Variants in LHX2 observed in about 807,000 individuals in gnomAD.
The protein encoded by LHX2 is LIM/homeobox protein Lhx2.
LHX2 carries 6 observed loss-of-function variants against 33.0 expected under a neutral mutation model. The observed-to-expected ratio is 0.18, with a 90% CI of 0.10 to 0.36. The LOEUF (loss-of-function observed/expected upper bound fraction) is 0.36. Ranked by LOEUF, LHX2 falls within the 10% of genes least tolerant of loss-of-function variation. The pLI, the probability that LHX2 is intolerant of heterozygous loss-of-function variation, is 1.00. For missense variants in LHX2, 442 were observed against 586.2 expected (o/e 0.75, Z 2.54); for synonymous variants, 292 against 253.1 (o/e 1.15, Z -1.46).
intron 4 of LHX2, among the ~76,000 whole-genome samples, chr9:124,031,257 G>T (rs1190425954): frequency 6.6e-6 from 1 of 152,138 alleles, no homozygotes; most frequent in African/African-American, 2.4e-5. Context: ...CAGGGTACCT[G>T]GTGGCTCCCC....
intron 3 of LHX2, among the ~76,000 whole-genome samples, chr9:124,018,097 T>C (rs1451788966): frequency 6.6e-6 from 1 of 152,016 alleles, no homozygotes; most frequent in East Asian, 1.9e-4. Context: ...AATCCATTAT[T>C]TAGACAATTG....
rs988604694 is a variant in LHX2, at chr9:124,014,551, A to G, written c.323+388A>G. Among the ~76,000 whole-genome samples the G allele has an allele frequency of 6.6e-6, 1 of 152,202 alleles. No individual in the cohort carries two copies. The highest frequency in any genetic ancestry group is 2.4e-5 in the African/African-American group (1 of 41,450). The stretch of plus-strand genomic sequence containing the variant: ...CCAAGCTGGAGTGAAACACAGCTGG[A>G]AAGAGAGCTGTGGGAGTGGGTGCAT... On this transcript the variant is annotated intron_variant, in intron 2 of 4. Coordinates refer to ENST00000373615, the MANE Select transcript of LHX2 (RefSeq NM_004789.4). This position sits in a 1 kb window ranked among gnomAD's most constrained non-coding sequence, Gnocchi z 4.8.
Position 124,032,960 on chromosome 9 carries a change from A to G in LHX2, c.*253A>G, listed in dbSNP as rs1189757767. 1 of 364,212 alleles carries G rather than the reference A, an allele frequency of 2.7e-6. No homozygotes were observed. Among genetic ancestry groups the G allele is most frequent in the African/African-American group, 2.1e-5 (1 of 47,952 alleles). The allele number at this position is 364,212 out of a possible 1,614,324, so 22.6% of individuals were successfully genotyped here. ...AGTTTTGTGGACTGAGCGAGGAAAAACAACAAATAATTTAAGTTGGCTAGA... is the reference window on the plus strand; with the variant it reads ...AGTTTTGTGGACTGAGCGAGGAAAAGCAACAAATAATTTAAGTTGGCTAGA... On this transcript the variant is annotated 3_prime_UTR_variant, in exon 5 of 5. Transcript: ENST00000373615. This position sits in a 1 kb window ranked among gnomAD's most constrained non-coding sequence, Gnocchi z 4.1.
chr9:124,020,145 C>T (rs1382504419), intron 3 of LHX2, among the ~76,000 whole-genome samples: 4 of 152,212 alleles, frequency 2.6e-5, no homozygotes, highest in African/African-American at 9.6e-5. Flanking sequence ...GGCTTCATTT[C>T]CCTTAGCGTT....
rs1041783405 is a variant in LHX2 at position 124,016,512 on chromosome 9, C to T, written c.727+987C>T. On this transcript the variant is annotated intron_variant, in intron 3 of 4. Transcript: ENST00000373615. The surrounding 1 kb of genome is among the most constrained non-coding windows in gnomAD (Gnocchi z 4.4). ...ATTTGGAGATTTTGTGTTCTTCTTCCTTTTCCCTTTAGTCTAATGCACAAG... is the reference window on the plus strand; with the variant it reads ...ATTTGGAGATTTTGTGTTCTTCTTCTTTTTCCCTTTAGTCTAATGCACAAG... 7.2e-5 allele frequency among the ~76,000 whole-genome samples: 11 copies of T among 152,164 alleles called. No individual in the cohort carries two copies. The highest frequency in any genetic ancestry group is 2.7e-4 in the African/African-American group (11 of 41,428).
intron 4 of LHX2, among the ~76,000 whole-genome samples, chr9:124,022,280 C>G: frequency 6.6e-6 from 1 of 152,194 alleles, no homozygotes; most frequent in East Asian, 1.9e-4. Flanking sequence ...ACTGAAATGA[C>G]GTGCCTGTGG....
At chr9:124,019,973 A>G (rs2118761689) in intron 3 of LHX2, among the ~76,000 whole-genome samples, 1 of 152,312 alleles carries the variant, frequency 6.6e-6, no homozygotes, top group Middle Eastern at 3.4e-3. Flanking sequence ...CCAGCCAGGC[A>G]TTGGCAGCGT....
chr9:124,024,614 A>G (rs1450768959), intron 4 of LHX2, among the ~76,000 whole-genome samples: 1 of 152,228 alleles, frequency 6.6e-6, no homozygotes, highest in Non-Finnish European at 1.5e-5. Context: ...GATGACATAC[A>G]GTATAATTTA....
chr9:124,012,435 C>A lies in LHX2; in HGVS notation c.87C>A (p.Ile29=). 1.3e-6 allele frequency: 2 copies of A among 1,542,304 alleles called. No individual in the cohort carries two copies. Among genetic ancestry groups the A allele is most frequent in the Non-Finnish European group, 8.7e-7 (1 of 1,150,644 alleles). The change falls in exon 1 of 5, where the codon ATC becomes ATA. Residue 29 remains isoleucine (I), a synonymous_variant. Coordinates refer to ENST00000373615, the MANE Select transcript of LHX2 (RefSeq NM_004789.4). This position sits in a 1 kb window ranked among gnomAD's most constrained non-coding sequence, Gnocchi z 4.3. ...GGGCCAAGAGCGAGGCTCCCGCCATCAGCTCCGCCATCGACCGCGGCGACA... is the reference window on the plus strand; with the variant it reads ...GGGCCAAGAGCGAGGCTCCCGCCATAAGCTCCGCCATCGACCGCGGCGACA... ...DRRAKSEAPA[I]SSAIDRGDTE... is the part of the protein sequence containing the mutation.
chr9:124,030,000 T>C (rs1828686238), intron 4 of LHX2, among the ~76,000 whole-genome samples: 1 of 151,806 alleles, frequency 6.6e-6, no homozygotes. Context: ...ATGTCAAGGG[T>C]GGTCTGAGAA....
intron 4 of LHX2, 94 bp downstream of exon 4, chr9:124,021,398 C>T (rs2118764559): frequency 9.6e-7 from 1 of 1,037,604 alleles, no homozygotes; most frequent in Non-Finnish European, 1.4e-6. Flanking sequence ...GGACCTTCCA[C>T]CCTGTGTCTG....
At chr9:124,019,635 T>A (rs546921065) in intron 3 of LHX2, among the ~76,000 whole-genome samples, 13 of 152,324 alleles carry the variant, frequency 8.5e-5, no homozygotes, top group Admixed American at 5.9e-4. Flanking sequence ...CATGCAATAT[T>A]TAGGACATGC....
chr9:124,022,896 C>T (rs928677957), intron 4 of LHX2, among the ~76,000 whole-genome samples: 1 of 152,110 alleles, frequency 6.6e-6, no homozygotes, highest in African/African-American at 2.4e-5. Flanking sequence ...GTGACGTAGC[C>T]GAGGGAGGGA....
intron 1 of LHX2, among the ~76,000 whole-genome samples, chr9:124,013,160 T>G (rs2118742304): frequency 6.6e-6 from 1 of 152,290 alleles, no homozygotes; most frequent in South Asian, 2.1e-4. Flanking sequence ...GAGCAGACAC[T>G]GCCCGACCAG....
Position 124,021,086 on chromosome 9 carries a change from G to A in LHX2, c.728-13G>A, listed in dbSNP as rs571776082. On this transcript the variant is annotated splice_polypyrimidine_tract_variant and intron_variant, in intron 3 of 4. Coordinates refer to ENST00000373615, the MANE Select transcript of LHX2 (RefSeq NM_004789.4). ...CAGGAAGTTCACCCACCGGCTCTGT[G>A]TCTCCTCCCTAGCGCTAAGCTGCAA... is the stretch of plus-strand genomic sequence containing the variant. 6.2e-7 allele frequency: 1 copy of A among 1,613,616 alleles called. No homozygotes were observed. Among genetic ancestry groups the A allele is most frequent in the African/African-American group, 1.3e-5 (1 of 75,032 alleles).
In LHX2 at chr9:124,012,267, G is replaced by T; in HGVS notation, c.-82G>T. 3 of 1,345,430 alleles carry T rather than the reference G, an allele frequency of 2.2e-6. No homozygotes were observed. Among genetic ancestry groups the T allele is most frequent in the Non-Finnish European group, 2.9e-6 (3 of 1,047,872 alleles). The allele number at this position is 1,345,430 out of a possible 1,614,324, so 83.3% of individuals were successfully genotyped here. On this transcript the variant is annotated 5_prime_UTR_variant, in exon 1 of 5. Coordinates refer to ENST00000373615, the MANE Select transcript of LHX2 (RefSeq NM_004789.4). The surrounding 1 kb of genome is among the most constrained non-coding windows in gnomAD (Gnocchi z 4.3). ...GTGGCGATGCACCGGGCCCGTTAGCGCCAGGAGCGCCAGGCAGCTGAGGCG... is the reference window on the plus strand; with the variant it reads ...GTGGCGATGCACCGGGCCCGTTAGCTCCAGGAGCGCCAGGCAGCTGAGGCG...
intron 3 of LHX2, among the ~76,000 whole-genome samples, chr9:124,018,357 T>C (rs528331183): frequency 6.6e-6 from 1 of 150,606 alleles, no homozygotes; most frequent in South Asian, 2.1e-4. Context: ...TCCTGGGGAA[T>C]CTCGACCCGC....
chr9:124,021,587 C>T (rs1483516249), intron 4 of LHX2, among the ~76,000 whole-genome samples: 10 of 152,226 alleles, frequency 6.6e-5, no homozygotes, highest in Middle Eastern at 3.4e-3. Context: ...TCTTTTCTTT[C>T]TTCTAAACAA....
chr9:124,030,619 T>C (rs1828692062), intron 4 of LHX2, among the ~76,000 whole-genome samples: 1 of 107,624 alleles, frequency 9.3e-6, no homozygotes, highest in African/African-American at 3.1e-5. Flanking sequence ...GAATTTCATT[T>C]TTCTTTTCTT....
Sources: gnomAD v4.1 joint callset for allele counts (sites outside exome capture counted in the v4.1 genomes callset) on GRCh38, gnomAD v4.1.1 for gene constraint, Gnocchi (gnomAD v3.1) non-coding constraint, MANE v1.5 for transcripts, NCBI Gene and HGNC (gene_info 2026-07-23, HGNC 2026-07-21) for gene names.